SGCD: variants seen among roughly 807,000 people sequenced by gnomAD.
The protein encoded by SGCD is delta-sarcoglycan.
In SGCD, 18 loss-of-function variants were observed where a neutral mutation model predicts 36.6. The observed-to-expected ratio is 0.49, with a 90% CI of 0.34 to 0.73. The LOEUF (loss-of-function observed/expected upper bound fraction) is 0.73. SGCD is among the 30% of genes least tolerant of loss of function. The pLI, the probability that SGCD is intolerant of heterozygous loss-of-function variation, is 0.01. For missense variants in SGCD, 387 were observed against 346.7 expected (o/e 1.12, Z -0.92); for synonymous variants, 133 against 130.6 (o/e 1.02, Z -0.12).
chr5:156,269,375 C>A (rs1340468733), intron 3 of SGCD, among the ~76,000 whole-genome samples: 2 of 143,534 alleles, frequency 1.4e-5, no homozygotes, highest in Non-Finnish European at 3.0e-5. Context: ...GAGGCTGAAG[C>A]AGGAGAATGG....
chr5:156,655,320 T>A (rs73301180), intron 7 of SGCD, among the ~76,000 whole-genome samples: 3 of 151,978 alleles, frequency 2.0e-5, no homozygotes, highest in African/African-American at 7.3e-5. Context: ...TTCTGTTTGT[T>A]CTTATTTTGT....
At chr5:156,310,475 T>C (rs913366136) in intron 3 of SGCD, among the ~76,000 whole-genome samples, 4 of 152,208 alleles carry the variant, frequency 2.6e-5, no homozygotes, top group Admixed American at 2.6e-4. Flanking sequence ...GCCAGTGTGC[T>C]GAGTAGTCAG....
chr5:156,730,602 G>A (rs190241957), intron 7 of SGCD, among the ~76,000 whole-genome samples: 60 of 151,992 alleles, frequency 3.9e-4, no homozygotes, highest in African/African-American at 1.3e-3. Context: ...TATGTTCCAC[G>A]TTTTCTTTAT....
rs537602960 is a variant in SGCD at position 156,575,821 on chromosome 5, T to C, written c.295-13410T>C. Among the ~76,000 whole-genome samples, 41 of 152,238 alleles carry C rather than the reference T, an allele frequency of 2.7e-4. 1 individual carries two copies. In the South Asian group the frequency reaches 8.5e-3, roughly 32 times the overall value. ...CAAAGGTACACAAGTTATGTTGACA[T>C]AGGACTTCTCAGAGCAAATAAAATA... On this transcript the variant is annotated intron_variant, in intron 4 of 8. Transcript: ENST00000337851.
intron 4 of SGCD, among the ~76,000 whole-genome samples, chr5:156,562,279 G>A (rs1423688995): frequency 6.6e-6 from 1 of 152,192 alleles, no homozygotes; most frequent in Non-Finnish European, 1.5e-5. Flanking sequence ...GGGCCCGGGT[G>A]AGTTTGGGGA....
intron 1 of SGCD, among the ~76,000 whole-genome samples, chr5:156,047,814 A>G (rs1008817033): frequency 6.6e-6 from 1 of 151,722 alleles, no homozygotes; most frequent in Non-Finnish European, 1.5e-5. Context: ...TTCAAGCCTT[A>G]TTTCTCTTTT....
In SGCD at chr5:156,307,253, G is replaced by T. The variant is rs1561611489; in HGVS notation, c.-43-22281G>T. On this transcript the variant is annotated intron_variant, in intron 3 of 9. Coordinates refer to the SGCD transcript ENST00000517913. Reference sequence around the variant, plus strand: ...TGTGGAGACAGACTTTGACCATGTTGCCTAGGCTAGTCTTGAACTTGGGCT... The same window carrying T: ...TGTGGAGACAGACTTTGACCATGTTTCCTAGGCTAGTCTTGAACTTGGGCT... Among the ~76,000 whole-genome samples, 6 of 152,134 alleles carry T rather than the reference G, an allele frequency of 3.9e-5. No individual in the cohort carries two copies. In the Middle Eastern group the frequency reaches 0.01, roughly 259 times the overall value.
chr5:156,741,797 C>T (rs973762600), intron 7 of SGCD, among the ~76,000 whole-genome samples: 4 of 152,066 alleles, frequency 2.6e-5, no homozygotes, highest in Non-Finnish European at 5.9e-5. Context: ...TCCTCAATTG[C>T]ACCTTCCTAG....
intron 6 of SGCD, among the ~76,000 whole-genome samples, chr5:156,619,515 G>A (rs1249806466): frequency 6.6e-6 from 1 of 152,200 alleles, no homozygotes; most frequent in African/African-American, 2.4e-5. Flanking sequence ...CAAATGAGGA[G>A]ATAAACTTCT....
chr5:155,974,867 T>C (rs1255966916), intron 1 of SGCD, among the ~76,000 whole-genome samples: 1 of 152,044 alleles, frequency 6.6e-6, no homozygotes, highest in Non-Finnish European at 1.5e-5. Context: ...CTGGTCCTTC[T>C]ATCCTGGACC....
chr5:156,112,090 T>G (rs1761802771), intron 1 of SGCD, among the ~76,000 whole-genome samples: 1 of 152,214 alleles, frequency 6.6e-6, no homozygotes, highest in Non-Finnish European at 1.5e-5. Context: ...CTTATGTGAA[T>G]GAGTTCAAAG....
At chr5:156,195,946 A>C (rs1174826812) in intron 3 of SGCD, among the ~76,000 whole-genome samples, 1 of 152,116 alleles carries the variant, frequency 6.6e-6, no homozygotes. Flanking sequence ...AATGAAACTC[A>C]TGCCACCCGC....
intron 1 of SGCD, among the ~76,000 whole-genome samples, chr5:155,971,386 A>T (rs1310463642): frequency 1.3e-5 from 2 of 152,120 alleles, no homozygotes; most frequent in African/African-American, 4.8e-5. Context: ...AATGTTAGCG[A>T]CAGCTCCTAC....
intron 7 of SGCD, among the ~76,000 whole-genome samples, chr5:156,757,063 G>A (rs1757361095): frequency 6.6e-6 from 1 of 152,040 alleles, no homozygotes. Context: ...AGAAAGGAAA[G>A]AGGAGGTAAA....
At chr5:156,412,816 T>C (rs1161281594) in intron 3 of SGCD, among the ~76,000 whole-genome samples, 1 of 127,446 alleles carries the variant, frequency 7.8e-6, no homozygotes, top group Admixed American at 9.1e-5. Context: ...TGAGACGGAG[T>C]CTCGCTCTGT....
At chr5:155,975,484 T>C (rs1459549580) in intron 1 of SGCD, among the ~76,000 whole-genome samples, 3 of 152,078 alleles carry the variant, frequency 2.0e-5, no homozygotes, top group Non-Finnish European at 4.4e-5. Flanking sequence ...AACTCTCACC[T>C]GGCAAGATAC....
intron 3 of SGCD, among the ~76,000 whole-genome samples, chr5:156,347,885 C>G (rs1341825502): frequency 6.6e-6 from 1 of 152,116 alleles, no homozygotes; most frequent in Non-Finnish European, 1.5e-5. Context: ...CTGCAGTTAA[C>G]TAAATTGATT....
At chr5:156,038,365 C>T (rs912191757) in intron 1 of SGCD, among the ~76,000 whole-genome samples, 2 of 151,808 alleles carry the variant, frequency 1.3e-5, no homozygotes, top group African/African-American at 2.4e-5. Context: ...AATGGGATAG[C>T]ATAAAGTAGG....
intron 1 of SGCD, among the ~76,000 whole-genome samples, chr5:156,101,941 T>TGTGTGTGA (rs1218348339): frequency 6.5e-5 from 9 of 138,350 alleles, no homozygotes; most frequent in East Asian, 4.4e-4. Flanking sequence ...TGTGTGTGTG[T>TGTGTGTGA]GAGAGAGAGA....
Sources: allele counts gnomAD v4.1 joint callset (sites outside exome capture counted in the v4.1 genomes callset), GRCh38; gene constraint gnomAD v4.1.1; transcripts MANE v1.5; gene names NCBI Gene and HGNC (gene_info 2026-07-23, HGNC 2026-07-21).